The following PDCD7 variants were observed in gnomAD, a reference collection of about 807,000 sequenced individuals.
PDCD7 encodes the protein programmed cell death protein 7.
In PDCD7, 40 loss-of-function variants were observed where a neutral mutation model predicts 42.1. The observed-to-expected ratio is 0.95, with a 90% CI of 0.74 to 1.24. PDCD7 has a LOEUF of 1.24. Ranked by LOEUF, PDCD7 falls within the 50% of genes most tolerant of loss-of-function variation. The probability of loss-of-function intolerance (pLI) is 0.00; values close to 1 mark genes in which losing one functional copy is unlikely to be tolerated. For synonymous variants in PDCD7, 299 were observed against 303.3 expected (o/e 0.99, Z 0.15); for missense variants, 644 against 662.8 (o/e 0.97, Z 0.31).
rs2087559049 is a variant in PDCD7, at chr15:65,133,285, T to C, written c.497A>G (p.His166Arg). The C allele has an allele frequency of 3.8e-6, 5 of 1,321,078 alleles. No individual in the cohort carries two copies. The highest frequency in any genetic ancestry group is 4.8e-6 in the Non-Finnish European group (5 of 1,041,958). The allele number at this position is 1,321,078 out of a possible 1,614,324, so 81.8% of individuals were successfully genotyped here. ...CACTTCGCCAAGGCTGGGCCCGGCATGCGTGCGCTGGGGCACCGGACAGCC... is the reference window on the plus strand; with the variant it reads ...CACTTCGCCAAGGCTGGGCCCGGCACGCGTGCGCTGGGGCACCGGACAGCC... ...RAGCPVPQRTHAGPSLGEVRA... is the reference protein window; with the variant it reads ...RAGCPVPQRTRAGPSLGEVRA... The change falls in exon 1 of 5, where the codon CAT (histidine) becomes CGT (arginine). Residue 166 changes from histidine (H) to arginine (R), a missense_variant. Coordinates refer to ENST00000204549, the MANE Select transcript of PDCD7 (RefSeq NM_005707.2).
chr15:65,126,904 A>G (rs112084891), intron 2 of PDCD7, among the ~76,000 whole-genome samples: 3,392 of 152,128 alleles, frequency 0.022, 57 homozygotes, highest in African/African-American at 0.042. Context: ...GTATATACAC[A>G]TATACCTTTA....
intron 2 of PDCD7, among the ~76,000 whole-genome samples, chr15:65,120,222 C>T (rs62012487): frequency 0.013 from 2,053 of 152,090 alleles, 58 homozygotes; most frequent in African/African-American, 0.047. Context: ...AGCATGACCA[C>T]GACTCACTGC....
chr15:65,130,360 G>A (rs1179423149), intron 1 of PDCD7, among the ~76,000 whole-genome samples: 2 of 151,854 alleles, frequency 1.3e-5, no homozygotes, highest in Admixed American at 6.6e-5. Flanking sequence ...GTTTCACCAC[G>A]TTGGCCAGGC....
rs1012362135 is a variant in PDCD7 at position 65,133,622 on chromosome 15, G to A, written c.160C>T (p.Pro54Ser). The A allele has an allele frequency of 2.2e-5, 27 of 1,249,748 alleles. No homozygotes were observed. The East Asian group carries it at 8.5e-4, about 39-fold the overall frequency. 77.4% of individuals were successfully genotyped at this position (1,249,748 alleles called of 1,614,324 possible). The part of the protein sequence containing the change: ...RPGPFPGASA[P>S]FLQPPLALQP... ...AGAGCCAGCGGAGGCTGAAGGAAGGGGGCGGAGGCCCCCGGAAAAGGGCCG... is the reference window on the plus strand; with the variant it reads ...AGAGCCAGCGGAGGCTGAAGGAAGGAGGCGGAGGCCCCCGGAAAAGGGCCG... Residue 54 changes from proline to serine, a missense_variant, in exon 1 of 5, where the codon CCC becomes TCC. Coordinates refer to ENST00000204549, the MANE Select transcript of PDCD7 (RefSeq NM_005707.2).
chr15:65,118,744 G>C lies in PDCD7; in HGVS notation c.1431C>G (p.Ile477Met), dbSNP rs376694165. The C allele has an allele frequency of 5.3e-5, 85 of 1,609,172 alleles. No individual in the cohort carries two copies. The highest frequency in any genetic ancestry group is 7.0e-5 in the Non-Finnish European group (82 of 1,178,138). Residue 477 changes from isoleucine to methionine, a missense_variant, in exon 5 of 5, where the codon ATC becomes ATG. Transcript: ENST00000204549. ...WVLPPLPSND[I>M]WATAVKLH ...AATGCAGCTTAACAGCAGTTGCCCA[G>C]ATGTCGTTGCTGGGGAGCGGGGGAA...
chr15:65,124,189 A>T (rs1395318584), intron 2 of PDCD7, among the ~76,000 whole-genome samples: 1 of 152,114 alleles, frequency 6.6e-6, no homozygotes, highest in Non-Finnish European at 1.5e-5. Context: ...TGGGAGGCTG[A>T]GGCGGGTAGA....
intron 2 of PDCD7, among the ~76,000 whole-genome samples, chr15:65,127,332 C>T (rs2087504385): frequency 6.6e-6 from 1 of 151,904 alleles, no homozygotes; most frequent in Admixed American, 6.6e-5. Flanking sequence ...TGGTGGGCGC[C>T]TGTAGTCCCA....
rs567503049 is a variant in PDCD7, at chr15:65,121,493, TCTGA to T, written c.1010-1543_1010-1540del. The stretch of plus-strand genomic sequence containing the variant: ...GATCTAATTAATAAACAATTCTTCC[TCTGA>T]CTGAGTGTGAATTTTGGGAGTGCAC... On this transcript the variant is annotated intron_variant, in intron 2 of 4. Transcript: ENST00000204549. Among the ~76,000 whole-genome samples the T allele has an allele frequency of 2.6e-4, 40 of 152,344 alleles. 1 individual carries two copies. The South Asian group carries it at 7.7e-3, about 29-fold the overall frequency.
intron 2 of PDCD7, 49 bp from the exon 3 acceptor site, chr15:65,120,003 C>A: frequency 6.4e-7 from 1 of 1,560,428 alleles, no homozygotes; most frequent in Middle Eastern, 2.0e-4. Context: ...TTTTTTGAGA[C>A]AAGGCCTCGC....
At chr15:65,123,846 T>C (rs964519213) in intron 2 of PDCD7, among the ~76,000 whole-genome samples, 1 of 152,232 alleles carries the variant, frequency 6.6e-6, no homozygotes, top group African/African-American at 2.4e-5. Context: ...AAAATTCTTA[T>C]ACACTGACAA....
At position 65,124,434 on chromosome 15, in the gene PDCD7, AAAAG is replaced by A. The variant is rs530424128; in HGVS notation, c.1010-4484_1010-4481del. Among the ~76,000 whole-genome samples the A allele has an allele frequency of 5.2e-3, 791 of 151,830 alleles. 6 individuals carry two copies. Among genetic ancestry groups the A allele is most frequent in the African/African-American group, 0.018 (729 of 41,414 alleles). ...GAGTGAAACTCCGTCTCAAAAAAAA[AAAAG>A]AAAGAAAGAAAGAAAAAGAAAAAGA... is the stretch of plus-strand genomic sequence containing the variant. On this transcript the variant is annotated intron_variant, in intron 2 of 4. Coordinates refer to ENST00000204549, the MANE Select transcript of PDCD7 (RefSeq NM_005707.2).
rs1340612940 is a variant in PDCD7 at position 65,133,191 on chromosome 15, C to G, written c.591G>C (p.Glu197Asp). ...CCCAGGCCGCGCCGTCGGCTTCGGC[C>G]TCGCGCAGGGCCTGGCTCAGGCCGC... Reference protein sequence around the residue: ...RLRGLSQALREAEADGAAWVL... With the variant: ...RLRGLSQALRDAEADGAAWVL... Residue 197 changes from glutamate (E) to aspartate (D), a missense_variant, in exon 1 of 5, where the codon GAG (glutamate) becomes GAC (aspartate). By Grantham distance (45) the Glu-to-Asp change is conservative (BLOSUM62 2). Coordinates refer to ENST00000204549, the MANE Select transcript of PDCD7 (RefSeq NM_005707.2). 2 of 1,442,476 alleles carry G rather than the reference C, an allele frequency of 1.4e-6. No homozygotes were observed. Among genetic ancestry groups the G allele is most frequent in the Non-Finnish European group, 1.8e-6 (2 of 1,108,956 alleles). 89.4% of individuals were successfully genotyped at this position (1,442,476 alleles called of 1,614,324 possible). A position where few individuals can be genotyped will look rare whatever the true frequency, so the allele number is the denominator to read the frequency against.
In PDCD7 at chr15:65,133,582, G is replaced by A; in HGVS notation, c.200C>T (p.Ser67Phe). The A allele has an allele frequency of 8.1e-7, 1 of 1,232,090 alleles. No individual in the cohort carries two copies. Among genetic ancestry groups the A allele is most frequent in the African/African-American group, 1.6e-5 (1 of 64,464 alleles). 76.3% of individuals were successfully genotyped at this position (1,232,090 alleles called of 1,614,324 possible). A position where few individuals can be genotyped will look rare whatever the true frequency, so the allele number is the denominator to read the frequency against. Reference sequence around the variant, plus strand: ...GCCTCCGCCGCGGGAGGCCTCCGCGGAGGCTCGGGGCTGCAGAGCCAGCGG... The same window carrying A: ...GCCTCCGCCGCGGGAGGCCTCCGCGAAGGCTCGGGGCTGCAGAGCCAGCGG... ...QPPLALQPRA[S>F]AEASRGGGGA... is the part of the protein sequence containing the mutation. The change falls in exon 1 of 5, where the codon TCC (serine) becomes TTC (phenylalanine). Residue 67 changes from serine (S) to phenylalanine (F), a missense_variant. Coordinates refer to ENST00000204549, the MANE Select transcript of PDCD7 (RefSeq NM_005707.2).
intron 1 of PDCD7, among the ~76,000 whole-genome samples, chr15:65,131,028 G>A (rs1361043856): frequency 6.6e-6 from 1 of 152,082 alleles, no homozygotes; most frequent in Non-Finnish European, 1.5e-5. Context: ...CCCAGGCCAC[G>A]GATGGTAACC....
chr15:65,128,283 C>T (rs1318840835), intron 2 of PDCD7, among the ~76,000 whole-genome samples: 3 of 152,144 alleles, frequency 2.0e-5, no homozygotes, highest in African/African-American at 7.2e-5. Context: ...GTTACCTCAG[C>T]CCAGATCAGG....
intron 1 of PDCD7, among the ~76,000 whole-genome samples, chr15:65,132,452 A>G (rs2087548382): frequency 6.6e-6 from 1 of 151,906 alleles, no homozygotes; most frequent in Non-Finnish European, 1.5e-5. Flanking sequence ...GGGTTTCACC[A>G]TCTTGGCCAG....
chr15:65,119,508 A>G (rs1228715555), intron 3 of PDCD7, 45 bp from the exon 4 acceptor site: 2 of 1,408,538 alleles, frequency 1.4e-6, no homozygotes, highest in African/African-American at 2.8e-5. Flanking sequence ...CTTGATATCC[A>G]CAGTGTATTT....
chr15:65,130,368 G>A (rs570738220), intron 1 of PDCD7, among the ~76,000 whole-genome samples: 13 of 152,072 alleles, frequency 8.5e-5, no homozygotes, highest in African/African-American at 3.1e-4. Context: ...ACGTTGGCCA[G>A]GCTGGTCCCG....
chr15:65,126,803 G>A (rs2087499984), intron 2 of PDCD7, among the ~76,000 whole-genome samples: 1 of 150,106 alleles, frequency 6.7e-6, no homozygotes, highest in African/African-American at 2.4e-5. Context: ...TTATTCAGTA[G>A]ATGAGGCTAG....
Sources: allele counts gnomAD v4.1 joint callset (sites outside exome capture counted in the v4.1 genomes callset), GRCh38; gene constraint gnomAD v4.1.1; transcripts MANE v1.5; gene names NCBI Gene and HGNC (gene_info 2026-07-23, HGNC 2026-07-21).